The following CDCA2 variants were observed in gnomAD, a reference collection of about 807,000 sequenced individuals.
CDCA2 encodes the protein cell division cycle associated 2.
CDCA2 carries 44 observed loss-of-function variants against 67.0 expected under a neutral mutation model. The ratio of observed to expected loss-of-function variants is 0.66; its 90% CI spans 0.52 to 0.84. The LOEUF is 0.84. CDCA2 is among the 40% of genes least tolerant of loss of function. The pLI is 0.00. For missense variants in CDCA2, 1,253 were observed against 1,203.2 expected, an observed-to-expected ratio of 1.04 and a Z score of -0.61; for synonymous variants, 447 against 418.7, an observed-to-expected ratio of 1.07 and a Z score of -0.82.
intron 8 of CDCA2, among the ~76,000 whole-genome samples, chr8:25,482,588 G>C (rs752602455): frequency 5.3e-5 from 8 of 152,182 alleles, no homozygotes; most frequent in Non-Finnish European, 1.2e-4. Context: ...ATTCTTTTAG[G>C]TTGGGCTCAG....
chr8:25,463,229 A>T (rs528638221), intron 4 of CDCA2, among the ~76,000 whole-genome samples: 110 of 152,288 alleles, frequency 7.2e-4, no homozygotes, highest in African/African-American at 2.4e-3. Context: ...TTATCTGCTG[A>T]TGGGGATATA....
At position 25,488,567 on chromosome 8, in the gene CDCA2, G is replaced by A. The variant is rs1362842235; in HGVS notation, c.1549G>A (p.Val517Ile). 4 of 1,609,904 alleles carry A rather than the reference G, an allele frequency of 2.5e-6. No homozygotes were observed. The highest frequency in any genetic ancestry group is 3.4e-6 in the Non-Finnish European group (4 of 1,178,746). Residue 517 changes from valine to isoleucine, a missense_variant, in exon 13 of 15, where the codon GTA becomes ATA. Coordinates refer to ENST00000330560, the MANE Select transcript of CDCA2 (RefSeq NM_152562.4). The part of the protein sequence containing the change: ...SNRRNQLVSV[V>I]EESVCNLLNT... ...TTCTTTATAGCAATTGGTCAGTGTT[G>A]TAGAAGAGAGTGTTTGCAACTTATT...
chr8:25,475,168 G>C (rs1430142902), intron 7 of CDCA2, among the ~76,000 whole-genome samples: 2 of 152,186 alleles, frequency 1.3e-5, no homozygotes, highest in Non-Finnish European at 2.9e-5. Flanking sequence ...GCTCAAAGGA[G>C]ATGGTTATTG....
chr8:25,493,212 A>G (rs1288697725), intron 13 of CDCA2, among the ~76,000 whole-genome samples: 1 of 152,234 alleles, frequency 6.6e-6, no homozygotes, highest in African/African-American at 2.4e-5. Context: ...CAATTAACAT[A>G]GAAAAGAGGC....
intron 12 of CDCA2, among the ~76,000 whole-genome samples, chr8:25,488,036 A>G (rs1335614722): frequency 3.3e-5 from 5 of 152,208 alleles, no homozygotes; most frequent in Non-Finnish European, 7.3e-5. Flanking sequence ...GGAGTTATAT[A>G]TAAGCATAAC....
intron 13 of CDCA2, among the ~76,000 whole-genome samples, chr8:25,498,453 A>ACCG (rs375231236): frequency 1.0e-4 from 8 of 76,612 alleles, no homozygotes; most frequent in Non-Finnish European, 1.8e-4. Flanking sequence ...GGTAATCTGC[A>ACCG]CCCCCCCCCC....
At chr8:25,459,797 G>C (rs999825005) in intron 1 of CDCA2, among the ~76,000 whole-genome samples, 2 of 152,102 alleles carry the variant, frequency 1.3e-5, no homozygotes, top group Admixed American at 1.3e-4. Flanking sequence ...TAAAAGAATG[G>C]TTAGCACAGG....
At chr8:25,462,747 G>T (rs549515127) in intron 4 of CDCA2, among the ~76,000 whole-genome samples, 6 of 152,312 alleles carry the variant, frequency 3.9e-5, no homozygotes, top group African/African-American at 1.4e-4. Flanking sequence ...TGCAATCATA[G>T]CCCACCGCAG....
chr8:25,484,402 T>C (rs1474640119), intron 10 of CDCA2, among the ~76,000 whole-genome samples, 192 bp downstream of exon 10: 2 of 152,202 alleles, frequency 1.3e-5, no homozygotes, highest in Non-Finnish European at 1.5e-5. Flanking sequence ...CCTGACTCCT[T>C]GTACATATTG....
intron 13 of CDCA2, among the ~76,000 whole-genome samples, chr8:25,501,211 G>A (rs1404066431): frequency 6.6e-6 from 1 of 152,154 alleles, no homozygotes; most frequent in African/African-American, 2.4e-5. Flanking sequence ...ATCACCAGGA[G>A]GAACATTCAT....
chr8:25,462,348 C>A, intron 4 of CDCA2, 140 bp downstream of exon 4: 2 of 938,626 alleles, frequency 2.1e-6, no homozygotes, highest in Non-Finnish European at 3.2e-6. Context: ...AGTTAGCGGC[C>A]GGGCGCGGTG....
At chr8:25,466,766 G>A (rs1473703494) in intron 5 of CDCA2, among the ~76,000 whole-genome samples, 1 of 152,076 alleles carries the variant, frequency 6.6e-6, no homozygotes, top group Non-Finnish European at 1.5e-5. Context: ...TATTCAGCCA[G>A]GCGCGGTGGC....
chr8:25,501,016 T>C (rs1804454119), intron 13 of CDCA2, among the ~76,000 whole-genome samples: 1 of 152,200 alleles, frequency 6.6e-6, no homozygotes, highest in Admixed American at 6.5e-5. Flanking sequence ...ATTTTTCTTT[T>C]CTCTTGGCTT....
intron 4 of CDCA2, among the ~76,000 whole-genome samples, chr8:25,463,713 T>C (rs903205897): frequency 6.6e-6 from 1 of 152,202 alleles, no homozygotes. Context: ...GAGGCATTCA[T>C]TTAAAGTAGA....
chr8:25,461,908 A>G (rs1802704849), intron 3 of CDCA2, 146 bp from the exon 4 acceptor site: 5 of 698,852 alleles, frequency 7.2e-6, no homozygotes, highest in Non-Finnish European at 1.2e-5. Context: ...TTGTATATGA[A>G]TGACTGTGCC....
At chr8:25,466,153 T>G (rs750039461) in intron 4 of CDCA2, 22 bp from the exon 5 acceptor site, 1 of 1,583,162 alleles carries the variant, frequency 6.3e-7, no homozygotes, top group Non-Finnish European at 8.5e-7. Flanking sequence ...TAATACTCCT[T>G]GTATATTTTG....
intron 7 of CDCA2, among the ~76,000 whole-genome samples, chr8:25,470,578 T>C (rs895976528): frequency 2.0e-5 from 3 of 152,220 alleles, no homozygotes; most frequent in South Asian, 2.1e-4. Flanking sequence ...TGCTCTGTAA[T>C]CTTTCATAGT....
Position 25,466,276 on chromosome 8 carries a change from C to G in CDCA2, c.489C>G (p.Gly163=). Residue 163 remains glycine (G), a synonymous_variant, in exon 5 of 15, where the codon GGC becomes GGG. Transcript: ENST00000330560. ...HSIKENEKMT[G]CLEFSEAGKE... ...TAAAGGAAAACGAGAAAATGACCGGCTGTCTGGAATTCTCAGAGGCAGGAA... is the reference window on the plus strand; with the variant it reads ...TAAAGGAAAACGAGAAAATGACCGGGTGTCTGGAATTCTCAGAGGCAGGAA... 6.2e-7 allele frequency: 1 copy of G among 1,610,610 alleles called. No individual in the cohort carries two copies. The highest frequency in any genetic ancestry group is 1.1e-5 in the South Asian group (1 of 90,176).
At chr8:25,490,147 C>A (rs745505646) in intron 13 of CDCA2, among the ~76,000 whole-genome samples, 8 of 152,046 alleles carry the variant, frequency 5.3e-5, no homozygotes, top group African/African-American at 1.9e-4. Context: ...TGAAAAAATA[C>A]CATTAATTCA....
Sources: gnomAD v4.1 joint callset for allele counts (sites outside exome capture counted in the v4.1 genomes callset) on GRCh38, gnomAD v4.1.1 for gene constraint, MANE v1.5 for transcripts, NCBI Gene and HGNC (gene_info 2026-07-23, HGNC 2026-07-21) for gene names.